HAO2: variants seen among roughly 807,000 people sequenced by gnomAD.
HAO2 encodes hydroxyacid oxidase 2.
Under a neutral mutation model 37.4 loss-of-function variants are expected in HAO2, and 42 were observed. That is an observed-to-expected ratio of 1.12 (90% CI 0.88 to 1.45). HAO2 has a LOEUF of 1.45. Ranked by LOEUF, HAO2 falls within the 40% of genes most tolerant of loss-of-function variation. The pLI is 0.00. For missense variants in HAO2, 476 were observed against 430.2 expected (o/e 1.11, Z -0.94); for synonymous variants, 180 against 162.8 (o/e 1.11, Z -0.81).
At chr1:119,383,776 G>C (rs183835953) in intron 3 of HAO2, among the ~76,000 whole-genome samples, 27 of 152,114 alleles carry the variant, frequency 1.8e-4, no homozygotes, top group Non-Finnish European at 3.4e-4. Context: ...ATTTCTCAGC[G>C]CTTCCCTGAG....
chr1:119,374,663 C>T (rs186011418), intron 1 of HAO2, among the ~76,000 whole-genome samples: 6 of 152,276 alleles, frequency 3.9e-5, no homozygotes, highest in East Asian at 1.9e-4. Context: ...GCAATTTTCA[C>T]GCTGAGATTT....
chr1:119,385,631 A>G, intron 4 of HAO2: 1 of 985,192 alleles, frequency 1.0e-6, no homozygotes, highest in Non-Finnish European at 1.2e-6. Flanking sequence ...GTGACTACAA[A>G]GGGGACCTTC....
Position 119,381,084 on chromosome 1 carries a change from A to C in HAO2, c.-2A>C. ...TTTGTTTTCTCCTTGGAAGGTCCAG[A>C]AATGTCCTTGGTGTGTTTGACAGAC... is the stretch of plus-strand genomic sequence containing the variant. On this transcript the variant is annotated 5_prime_UTR_variant, in exon 2 of 8. Transcript: ENST00000325945. 1 of 1,613,584 alleles carries C rather than the reference A, an allele frequency of 6.2e-7. No homozygotes were observed. The highest frequency in any genetic ancestry group is 8.5e-7 in the Non-Finnish European group (1 of 1,179,506).
intron 7 of HAO2, 134 bp from the exon 8 acceptor site, chr1:119,393,651 T>C (rs777415547): frequency 3.9e-5 from 30 of 762,352 alleles, no homozygotes; most frequent in South Asian, 1.0e-4. Context: ...TTATTCATTC[T>C]GTATGTAAAC....
At chr1:119,379,088 C>T (rs1003367513) in intron 1 of HAO2, among the ~76,000 whole-genome samples, 9 of 152,142 alleles carry the variant, frequency 5.9e-5, no homozygotes, top group African/African-American at 2.2e-4. Context: ...CAGGGGTAAG[C>T]TTCCATGAGT....
At position 119,386,697 on chromosome 1, in the gene HAO2, A is replaced by G. The variant is rs773141952; in HGVS notation, c.637A>G (p.Ser213Gly). ...LCWNDLSWFQ[S>G]ITRLPIILKG... Reference sequence around the variant, plus strand: ...CTGGAATGATCTCTCCTGGTTTCAGAGCATAACTCGATTGCCCATCATCCT... The same window carrying G: ...CTGGAATGATCTCTCCTGGTTTCAGGGCATAACTCGATTGCCCATCATCCT... The change falls in exon 5 of 8, where the codon AGC (serine) becomes GGC (glycine). Residue 213 changes from serine (S) to glycine (G), a missense_variant. Ser to Gly is a moderately conservative substitution (Grantham distance 56). Transcript: ENST00000325945. 19 of 1,613,398 alleles carry G rather than the reference A, an allele frequency of 1.2e-5. No individual in the cohort carries two copies. The East Asian group carries it at 4.2e-4, about 36-fold the overall frequency.
chr1:119,384,734 G>A (rs1650240202), intron 3 of HAO2, 42 bp from the exon 4 acceptor site: 1 of 1,587,590 alleles, frequency 6.3e-7, no homozygotes, highest in South Asian at 1.1e-5. Context: ...CCAGTCCAGA[G>A]GCCTCTGCCC....
chr1:119,375,789 G>A (rs913303434), intron 1 of HAO2, among the ~76,000 whole-genome samples: 4 of 152,158 alleles, frequency 2.6e-5, no homozygotes, highest in South Asian at 2.1e-4. Context: ...GAGAGTGTGT[G>A]CAGGGGAACT....
intron 2 of HAO2, 125 bp from the exon 3 acceptor site, chr1:119,382,790 C>T (rs958345065): frequency 2.4e-6 from 2 of 837,744 alleles, no homozygotes; most frequent in African/African-American, 3.4e-5. Context: ...CTGAACCCAC[C>T]AAGGTTCCAC....
chr1:119,384,978 T>C lies in HAO2; in HGVS notation c.486T>C (p.Cys162=). The change falls in exon 4 of 8, where the codon TGT becomes TGC. Residue 162 remains cysteine, a synonymous_variant. Transcript: ENST00000325945. The part of the protein sequence containing the change: ...ALVITLDTPV[C]GNRRHDIRNQ... ...TAATAACTTTGGATACACCTGTATG[T>C]GGCAACAGGCGACATGACATTCGAA... 1 of 1,613,630 alleles carries C rather than the reference T, an allele frequency of 6.2e-7. No homozygotes were observed. Among genetic ancestry groups the C allele is most frequent in the Non-Finnish European group, 8.5e-7 (1 of 1,179,568 alleles).
At chr1:119,373,174 G>A (rs1218021341) in intron 1 of HAO2, among the ~76,000 whole-genome samples, 5 of 152,146 alleles carry the variant, frequency 3.3e-5, no homozygotes, top group Admixed American at 6.5e-5. Flanking sequence ...AGTTTATTCC[G>A]TATTCCAACT....
At chr1:119,386,478 T>C in intron 4 of HAO2, 144 bp from the exon 5 acceptor site, 1 of 627,240 alleles carries the variant, frequency 1.6e-6, no homozygotes, top group Non-Finnish European at 2.8e-6. Flanking sequence ...AGTGCTGGGA[T>C]TACAGGCATG....
chr1:119,389,292 T>C (rs1329919570), intron 5 of HAO2, among the ~76,000 whole-genome samples: 1 of 149,184 alleles, frequency 6.7e-6, no homozygotes, highest in Non-Finnish European at 1.5e-5. Flanking sequence ...ATGACTTCTT[T>C]TCCCCTGGGT....
At chr1:119,389,682 G>A (rs1650718645) in intron 5 of HAO2, among the ~76,000 whole-genome samples, 1 of 150,172 alleles carries the variant, frequency 6.7e-6, no homozygotes, top group African/African-American at 2.5e-5. Context: ...GTAGATTCTG[G>A]TTGTTAGTCT....
Position 119,393,725 on chromosome 1 carries a change from T to C in HAO2, c.1001-60T>C, listed in dbSNP as rs200856064. ...GCTCCCCTTCATCACCCCTTACCCA[T>C]GATGAGGTGAGTTGCTTGTGTTTGA... is the stretch of plus-strand genomic sequence containing the variant. On this transcript the variant is annotated intron_variant, in intron 7 of 7. Coordinates refer to ENST00000325945, the MANE Select transcript of HAO2 (RefSeq NM_016527.4). 1.0e-3 allele frequency: 1,421 copies of C among 1,383,564 alleles called. 22 individuals are homozygous for C. In the South Asian group the frequency reaches 0.016, roughly 15 times the overall value. The allele number at this position is 1,383,564 out of a possible 1,614,324, so 85.7% of individuals were successfully genotyped here.
At chr1:119,388,438 C>T (rs1241077940) in intron 5 of HAO2, among the ~76,000 whole-genome samples, 1 of 152,146 alleles carries the variant, frequency 6.6e-6, no homozygotes, top group Non-Finnish European at 1.5e-5. Flanking sequence ...ATTGTGCTTC[C>T]CCACTAGAGA....
intron 1 of HAO2, among the ~76,000 whole-genome samples, chr1:119,372,983 A>C (rs1044093826): frequency 1.3e-5 from 2 of 152,224 alleles, no homozygotes; most frequent in African/African-American, 4.8e-5. Context: ...GTGGCTTCAA[A>C]TCTATCATGG....
chr1:119,385,917 T>G, intron 4 of HAO2: 3 of 977,158 alleles, frequency 3.1e-6, no homozygotes, highest in Non-Finnish European at 3.6e-6. Context: ...AATAACTGAT[T>G]TAGTATTGCT....
chr1:119,374,680 G>A (rs113966883), intron 1 of HAO2, among the ~76,000 whole-genome samples: 1 of 152,194 alleles, frequency 6.6e-6, no homozygotes, highest in East Asian at 1.9e-4. Flanking sequence ...ATTTCCCACA[G>A]ACTGTGTAGG....
Sources: allele counts gnomAD v4.1 joint callset (sites outside exome capture counted in the v4.1 genomes callset), GRCh38; gene constraint gnomAD v4.1.1; transcripts MANE v1.5; gene names NCBI Gene and HGNC (gene_info 2026-07-23, HGNC 2026-07-21).